Variants in SLC18A1 observed in about 807,000 individuals in gnomAD.
SLC18A1 encodes chromaffin granule amine transporter.
In SLC18A1, 69 loss-of-function variants were observed where a neutral mutation model predicts 53.7. That is an observed-to-expected ratio of 1.28 (90% CI 1.06 to 1.57). The LOEUF is 1.57. Among genes scored for constraint, SLC18A1 ranks in the 40% most tolerant of loss-of-function variants. The probability of loss-of-function intolerance (pLI) is 0.00; values close to 1 mark genes in which losing one functional copy is unlikely to be tolerated. For synonymous variants in SLC18A1, 320 were observed against 248.1 expected, an observed-to-expected ratio of 1.29 and a Z score of -2.72; for missense variants, 932 against 668.1, an observed-to-expected ratio of 1.40 and a Z score of -4.35.
chr8:20,174,510 G>C (rs762555285), intron 4 of SLC18A1, 66 bp from the exon 5 acceptor site: 1 of 1,016,958 alleles, frequency 9.8e-7, no homozygotes, highest in Non-Finnish European at 1.6e-6. Flanking sequence ...AGCCGCCAGA[G>C]AACATGCCCG....
intron 10 of SLC18A1, among the ~76,000 whole-genome samples, chr8:20,160,952 T>C (rs1163723592): frequency 1.3e-5 from 2 of 152,164 alleles, no homozygotes; most frequent in Admixed American, 6.5e-5. Flanking sequence ...ATTGCTTTAA[T>C]CTATTCATAA....
chr8:20,173,247 G>A, intron 5 of SLC18A1, 119 bp from the exon 6 acceptor site: 2 of 743,824 alleles, frequency 2.7e-6, no homozygotes, highest in Admixed American at 5.7e-5. Flanking sequence ...TTCAGTTTGA[G>A]GGGTTTTACA....
chr8:20,169,036 G>A (rs1182004368), intron 8 of SLC18A1, among the ~76,000 whole-genome samples: 3 of 152,086 alleles, frequency 2.0e-5, no homozygotes, highest in Non-Finnish European at 4.4e-5. Context: ...TTAGTTACAA[G>A]GTGAAGAAGT....
intron 12 of SLC18A1, chr8:20,148,276 A>G (rs1330925925): frequency 1.6e-6 from 1 of 613,520 alleles, no homozygotes; most frequent in South Asian, 2.0e-5. Context: ...TGTTGTGTTT[A>G]TTTATTGCTC....
chr8:20,146,810 G>T (rs917991271), intron 15 of SLC18A1, among the ~76,000 whole-genome samples: 3 of 125,424 alleles, frequency 2.4e-5, no homozygotes, highest in Admixed American at 1.7e-4. Context: ...GGCAACAAGA[G>T]TGAAACTCCA....
At chr8:20,167,131 G>A (rs568859875) in intron 8 of SLC18A1, among the ~76,000 whole-genome samples, 4 of 146,268 alleles carry the variant, frequency 2.7e-5, no homozygotes, top group South Asian at 4.3e-4. Context: ...AAAACTAAAT[G>A]CCAAAAAAAA....
At chr8:20,147,169 G>T in intron 15 of SLC18A1, 89 bp downstream of exon 15, 2 of 1,405,644 alleles carry the variant, frequency 1.4e-6, no homozygotes, top group South Asian at 1.4e-5. Flanking sequence ...AATAGAGGGA[G>T]GAAATAACAG....
intron 15 of SLC18A1, among the ~76,000 whole-genome samples, chr8:20,146,458 T>C (rs2071400729): frequency 1.3e-5 from 2 of 152,200 alleles, no homozygotes; most frequent in African/African-American, 4.8e-5. Flanking sequence ...CACCACTCCC[T>C]ATCACACCTT....
intron 10 of SLC18A1, among the ~76,000 whole-genome samples, chr8:20,163,147 A>G (rs775693322): frequency 1.2e-4 from 19 of 152,212 alleles, no homozygotes; most frequent in Non-Finnish European, 1.8e-4. Context: ...TTGCTGGATC[A>G]TAACATGGCC....
chr8:20,174,283 T>C (rs943298118), intron 5 of SLC18A1, 78 bp downstream of exon 5: 17 of 1,042,816 alleles, frequency 1.6e-5, no homozygotes, highest in Admixed American at 3.5e-5. Flanking sequence ...TCCATGTAAA[T>C]ATAGGATCTG....
rs559912493 is a variant in SLC18A1, at chr8:20,163,973, C to T, written c.1015+896G>A. 2.6e-5 allele frequency among the ~76,000 whole-genome samples: 4 copies of T among 152,272 alleles called. No homozygotes were observed. The East Asian group carries it at 7.7e-4, about 29-fold the overall frequency. ...GGCGATGAATTATCTGCACTGAATA[C>T]CGACTAACTCAATTAATCGTCATGG... is the stretch of plus-strand genomic sequence containing the variant. On this transcript the variant is annotated intron_variant, in intron 10 of 15. Transcript: ENST00000276373.
intron 10 of SLC18A1, among the ~76,000 whole-genome samples, chr8:20,152,896 G>A (rs2071593784): frequency 6.6e-6 from 1 of 152,166 alleles, no homozygotes; most frequent in African/African-American, 2.4e-5. Flanking sequence ...CATAATTAAA[G>A]AGAAGACTGG....
rs777154306 is a variant in SLC18A1 at position 20,148,107 on chromosome 8, G to T, written c.1147-37C>A. 10 of 1,593,638 alleles carry T rather than the reference G, an allele frequency of 6.3e-6. No individual in the cohort carries two copies. In the South Asian group the frequency reaches 1.1e-4, roughly 18 times the overall value. ...AGGAGGAAGAGTCATCAGGACTCCA[G>T]ATGGGTCAGGTGGGAGCAAGGTTCA... On this transcript the variant is annotated intron_variant, in intron 12 of 15. Coordinates refer to ENST00000276373, the MANE Select transcript of SLC18A1 (RefSeq NM_003053.4).
At position 20,180,909 on chromosome 8, in the gene SLC18A1, G is replaced by C; in HGVS notation, c.56C>G (p.Ser19Cys). 6.2e-7 allele frequency: 1 copy of C among 1,611,760 alleles called. No homozygotes were observed. The highest frequency in any genetic ancestry group is 1.1e-5 in the South Asian group (1 of 90,656). The change falls in exon 2 of 16, where the codon TCC becomes TGC. Residue 19 changes from serine to cysteine, a missense_variant. Physicochemically the swap from Ser to Cys is moderately radical, Grantham distance 112. Coordinates refer to ENST00000276373, the MANE Select transcript of SLC18A1 (RefSeq NM_003053.4). ...TACCACCACCAGCACCAGCTGCCGG[G>C]ACGCTCTCCCCTCCTTCAGCAACCG... ...PQRLLKEGRA[S>C]RQLVLVVVFV...
intron 2 of SLC18A1, among the ~76,000 whole-genome samples, chr8:20,180,063 A>G (rs66504353): frequency 0.29 from 44,306 of 151,724 alleles, 7,043 homozygotes; most frequent in Non-Finnish European, 0.36. Context: ...TCTCTTTTAT[A>G]AAGAAAACAC....
chr8:20,146,135 T>A (rs1316185458), intron 15 of SLC18A1, among the ~76,000 whole-genome samples: 1 of 152,110 alleles, frequency 6.6e-6, no homozygotes, highest in East Asian at 1.9e-4. Context: ...CAGAATGGTC[T>A]CGATCTCCTG....
intron 13 of SLC18A1, 117 bp downstream of exon 13, chr8:20,147,890 C>G (rs1221124135): frequency 4.6e-5 from 66 of 1,428,692 alleles, no homozygotes; most frequent in Non-Finnish European, 6.0e-5. Context: ...TGCCAGCTGC[C>G]CTCCTGATCC....
At chr8:20,147,827 T>G (rs2071441375) in intron 13 of SLC18A1, 105 bp from the exon 14 acceptor site, 5 of 1,525,010 alleles carry the variant, frequency 3.3e-6, no homozygotes, top group South Asian at 2.5e-5. Context: ...GTCTTCTGCC[T>G]CGGACTAACA....
chr8:20,148,513 G>A (rs931078324), intron 12 of SLC18A1: 28 of 1,277,858 alleles, frequency 2.2e-5, no homozygotes, highest in East Asian at 5.6e-5. Context: ...TTCTAACTTG[G>A]TAGCTGTTGG....
Sources: gnomAD v4.1 joint callset for allele counts (sites outside exome capture counted in the v4.1 genomes callset) on GRCh38, gnomAD v4.1.1 for gene constraint, MANE v1.5 for transcripts, NCBI Gene and HGNC (gene_info 2026-07-23, HGNC 2026-07-21) for gene names.